The following MAP3K6 variants were observed in gnomAD, a reference collection of about 807,000 sequenced individuals.
MAP3K6 encodes the protein apoptosis signal-regulating kinase 2.
A neutral mutation model predicts 147.1 loss-of-function variants in MAP3K6; 105 were observed. That is an observed-to-expected ratio of 0.71 (90% CI 0.61 to 0.84). MAP3K6 has a LOEUF of 0.84. Ranked by LOEUF, MAP3K6 falls within the 40% of genes least tolerant of loss-of-function variation. MAP3K6 has a pLI of 0.00. For missense variants in MAP3K6, 1,569 were observed against 1,715.0 expected, an observed-to-expected ratio of 0.91 and a Z score of 1.50; for synonymous variants, 695 against 732.4, an observed-to-expected ratio of 0.95 and a Z score of 0.82.
rs532566687 is a variant in MAP3K6, at chr1:27,357,100, G to C, written c.3273C>G (p.Leu1091=). ...FAFPDAVKQI[L]RKRQIRPHWM... Reference sequence around the variant, plus strand: ...AGTGTGGACGGATCTGGCGCTTGCGGAGGATCTGCTTCACCTGCAGGGGGA... The same window carrying C: ...AGTGTGGACGGATCTGGCGCTTGCGCAGGATCTGCTTCACCTGCAGGGGGA... The change falls in exon 24 of 29, where the codon CTC becomes CTG. Residue 1091 remains leucine, a synonymous_variant. Coordinates refer to ENST00000357582, the MANE Select transcript of MAP3K6 (RefSeq NM_004672.5). 22 of 1,613,938 alleles carry C rather than the reference G, an allele frequency of 1.4e-5. No individual in the cohort carries two copies. In the East Asian group the frequency reaches 4.7e-4, roughly 34 times the overall value.
chr1:27,355,820 G>C, intron 27 of MAP3K6, 75 bp from the exon 28 acceptor site: 4 of 1,416,690 alleles, frequency 2.8e-6, no homozygotes, highest in Non-Finnish European at 4.0e-6. Context: ...CCAGGTACTA[G>C]CTCTGCTCTG....
At chr1:27,355,933 G>T in intron 27 of MAP3K6, 93 bp downstream of exon 27, 1 of 1,239,480 alleles carries the variant, frequency 8.1e-7, no homozygotes, top group Admixed American at 1.8e-5. Context: ...GAGATTCTCT[G>T]CATCAGAGGG....
chr1:27,364,050 C>T lies in MAP3K6; in HGVS notation c.731G>A (p.Arg244Gln), dbSNP rs554275379. Reference protein sequence around the residue: ...YFRETIRRDIRQARERFSGPQ... With the variant: ...YFRETIRRDIQQARERFSGPQ... The stretch of plus-strand genomic sequence containing the variant: ...CCCACTGAACCGCTCCCGCGCCTGC[C>T]GGATGTCCCGCCGAATGGTCTCCCG... Residue 244 changes from arginine to glutamine, a missense_variant, in exon 5 of 29, where the codon CGG becomes CAG. Transcript: ENST00000357582. The surrounding 1 kb of genome is among the most constrained non-coding windows in gnomAD (Gnocchi z 4.4). 147 of 1,612,848 alleles carry T rather than the reference C, an allele frequency of 9.1e-5. 1 individual carries two copies. The East Asian group carries it at 2.0e-3, about 22-fold the overall frequency.
intron 13 of MAP3K6, 43 bp downstream of exon 13, chr1:27,361,114 C>A (rs1334317444): frequency 1.1e-5 from 17 of 1,558,588 alleles, no homozygotes; most frequent in Non-Finnish European, 1.5e-5. Context: ...CCCCCCCGGG[C>A]ATCCTGGCCC....
At chr1:27,361,664 G>A in intron 10 of MAP3K6, 37 bp from the exon 11 acceptor site, 7 of 1,614,024 alleles carry the variant, frequency 4.3e-6, no homozygotes, top group Non-Finnish European at 5.9e-6. Flanking sequence ...GTCAGAAGGG[G>A]CTTACCCCTT....
In MAP3K6 at chr1:27,364,291, A is replaced by G. The variant is rs1295823501; in HGVS notation, c.608T>C (p.Val203Ala). 1 of 1,613,830 alleles carries G rather than the reference A, an allele frequency of 6.2e-7. No homozygotes were observed. Among genetic ancestry groups the G allele is most frequent in the African/African-American group, 1.3e-5 (1 of 74,924 alleles). ...GLLRGLADGL[V>A]QAGVGTEALL... ...GGCCTCGGTCCCCACTCCAGCCTGTACCAGCCCATCAGCCAGGCCCCGCAG... is the reference window on the plus strand; with the variant it reads ...GGCCTCGGTCCCCACTCCAGCCTGTGCCAGCCCATCAGCCAGGCCCCGCAG... Residue 203 changes from valine to alanine, a missense_variant, in exon 4 of 29, where the codon GTA becomes GCA. Transcript: ENST00000357582. This position sits in a 1 kb window ranked among gnomAD's most constrained non-coding sequence, Gnocchi z 4.4.
Position 27,361,693 on chromosome 1 carries a change from T to A in MAP3K6, c.1578+12A>T. 6.2e-7 allele frequency: 1 copy of A among 1,613,866 alleles called. No individual in the cohort carries two copies. The highest frequency in any genetic ancestry group is 2.2e-5 in the East Asian group (1 of 44,880). On this transcript the variant is annotated intron_variant, in intron 10 of 28. Coordinates refer to ENST00000357582, the MANE Select transcript of MAP3K6 (RefSeq NM_004672.5). ...ACCCCTTTCCCGGGTCCACCACCCC[T>A]ACAGGCCTCACCAAGCACTGGTCGC...
chr1:27,364,120 A>T lies in MAP3K6; in HGVS notation c.696-35T>A. ...AGGGTAGGGGAGGCAGGGAGAGAGA[A>T]TGGTGGGGCCTGTACCTCAGCCCCA... is the stretch of plus-strand genomic sequence containing the variant. On this transcript the variant is annotated intron_variant, in intron 4 of 28. Transcript: ENST00000357582. This position sits in a 1 kb window ranked among gnomAD's most constrained non-coding sequence, Gnocchi z 4.4. The T allele has an allele frequency of 6.2e-7, 1 of 1,604,930 alleles. No individual in the cohort carries two copies. The highest frequency in any genetic ancestry group is 1.7e-5 in the Admixed American group (1 of 59,762).
rs745531463 is a variant in MAP3K6 at position 27,362,893 on chromosome 1, G to A, written c.1100C>T (p.Ser367Leu). Residue 367 changes from serine to leucine, a missense_variant, in exon 7 of 29, where the codon TCG becomes TTG. By Grantham distance (145) the Ser-to-Leu change is moderately radical. Coordinates refer to ENST00000357582, the MANE Select transcript of MAP3K6 (RefSeq NM_004672.5). ...CCGGTGCCCAGCATCCTGGAAACCC[G>A]AGCTGAAGAACATGTCCTTGTAGAT... ...GRIYKDMFFS[S>L]GFQDAGHREQ... 3.2e-5 allele frequency: 51 copies of A among 1,614,140 alleles called. No individual in the cohort carries two copies. The highest frequency in any genetic ancestry group is 1.3e-4 in the East Asian group (6 of 44,882).
chr1:27,362,350 G>C (rs1263347002), intron 8 of MAP3K6, 100 bp from the exon 9 acceptor site: 38 of 1,241,286 alleles, frequency 3.1e-5, no homozygotes, highest in Non-Finnish European at 4.2e-5. Context: ...ATAGATATGA[G>C]TATGGCATTG....
At chr1:27,356,197 T>C (rs1436651201) in intron 26 of MAP3K6, 98 bp from the exon 27 acceptor site, 1 of 1,254,276 alleles carries the variant, frequency 8.0e-7, no homozygotes, top group Non-Finnish European at 1.2e-6. Flanking sequence ...CCCACTCAGG[T>C]GATGAGCCCA....
In MAP3K6 at chr1:27,358,568, G is replaced by A. The variant is rs1344336702; in HGVS notation, c.2627C>T (p.Ser876Leu). The A allele has an allele frequency of 6.8e-6, 11 of 1,613,084 alleles. No individual in the cohort carries two copies. The highest frequency in any genetic ancestry group is 4.0e-5 in the African/African-American group (3 of 74,872). ...GAGGAGAAAGGCTTGGGCCTCGGCC[G>A]ACAGAGAGCTGGGCATTGGCGGATG... ...KVHPPMPSSL[S>L]AEAQAFLLRT... Residue 876 changes from serine to leucine, a missense_variant, in exon 20 of 29, where the codon TCG becomes TTG. Transcript: ENST00000357582. This position sits in a 1 kb window ranked among gnomAD's most constrained non-coding sequence, Gnocchi z 6.2.
chr1:27,361,795 C>A lies in MAP3K6; in HGVS notation c.1488G>T (p.Gly496=). The stretch of plus-strand genomic sequence containing the variant: ...GCCAGAAGTGGGCACGGCGTGGTGG[C>A]CCTCCAGGGGGCTCTGGCGTGGGCC... The part of the protein sequence containing the change: ...HFRPTPEPPG[G]PPRRAHFWLH... Residue 496 remains glycine (G), a synonymous_variant, in exon 10 of 29, where the codon GGG becomes GGT. Transcript: ENST00000357582. 6.2e-7 allele frequency: 1 copy of A among 1,610,642 alleles called. No homozygotes were observed. Among genetic ancestry groups the A allele is most frequent in the Non-Finnish European group, 8.5e-7 (1 of 1,178,290 alleles).
intron 24 of MAP3K6, 110 bp from the exon 25 acceptor site, chr1:27,356,859 C>G (rs1193218820): frequency 2.8e-5 from 41 of 1,444,058 alleles, no homozygotes; most frequent in Non-Finnish European, 3.7e-6. Flanking sequence ...CCAGGCGGTG[C>G]CGGTATGGGA....
chr1:27,363,395 C>T (rs751233118), intron 6 of MAP3K6, 47 bp downstream of exon 6: 34 of 1,516,156 alleles, frequency 2.2e-5, no homozygotes, highest in Non-Finnish European at 2.7e-5. Flanking sequence ...ACCTAGGTTT[C>T]GGAAACCTTT....
At position 27,364,901 on chromosome 1, in the gene MAP3K6, G is replaced by A; in HGVS notation, c.352C>T (p.Leu118=). ...TGTACCAGCGAGCTGCTCACCTCCA[G>A]CACCACCACATCTGCAGGCACAGAG... The part of the protein sequence containing the change: ...DAFYNADVVV[L]EVSSSLVQPS... Residue 118 remains leucine, a synonymous_variant, in exon 2 of 29, where the codon CTG becomes TTG. Coordinates refer to ENST00000357582, the MANE Select transcript of MAP3K6 (RefSeq NM_004672.5). This position sits in a 1 kb window ranked among gnomAD's most constrained non-coding sequence, Gnocchi z 4.4. 2 of 1,592,022 alleles carry A rather than the reference G, an allele frequency of 1.3e-6. No homozygotes were observed. The highest frequency in any genetic ancestry group is 1.1e-5 in the South Asian group (1 of 88,712).
At chr1:27,357,657 A>G in intron 22 of MAP3K6, 54 bp downstream of exon 22, 1 of 1,591,542 alleles carries the variant, frequency 6.3e-7, no homozygotes, top group Non-Finnish European at 8.6e-7. Flanking sequence ...GGGGACATCA[A>G]CAGGTGTCCT....
Position 27,363,987 on chromosome 1 carries a change from C to A in MAP3K6, c.794G>T (p.Arg265Ile). 2.5e-6 allele frequency: 4 copies of A among 1,611,012 alleles called. No individual in the cohort carries two copies. Among genetic ancestry groups the A allele is most frequent in the Non-Finnish European group, 3.4e-6 (4 of 1,179,932 alleles). Reference sequence around the variant, plus strand: ...GCTCAGCAGCTCCACGCTGTCCAGTCTCCGCTGCAGGCGAGCCAGCTCCTG... The same window carrying A: ...GCTCAGCAGCTCCACGCTGTCCAGTATCCGCTGCAGGCGAGCCAGCTCCTG... ...LRQELARLQRRLDSVELLSPD... is the reference protein window; with the variant it reads ...LRQELARLQRILDSVELLSPD... The change falls in exon 5 of 29, where the codon AGA (arginine) becomes ATA (isoleucine). Residue 265 changes from arginine to isoleucine, a missense_variant. Physicochemically the swap from Arg to Ile is moderately conservative, Grantham distance 97. Transcript: ENST00000357582.
Position 27,360,064 on chromosome 1 carries a change from C to G in MAP3K6, c.2183-70G>C, listed in dbSNP as rs985533288. 5.0e-6 allele frequency: 8 copies of G among 1,601,768 alleles called. No homozygotes were observed. In the African/African-American group the frequency reaches 5.4e-5, roughly 11 times the overall value. ...CAGCCCACATCTCTCTGCTCAAGGCCCAGACACACCCATGTTGTAGCCCAA... is the reference window on the plus strand; with the variant it reads ...CAGCCCACATCTCTCTGCTCAAGGCGCAGACACACCCATGTTGTAGCCCAA... On this transcript the variant is annotated intron_variant, in intron 16 of 28. Transcript: ENST00000357582. This position sits in a 1 kb window ranked among gnomAD's most constrained non-coding sequence, Gnocchi z 4.5.
Sources: allele counts gnomAD v4.1 joint callset, GRCh38; gene constraint gnomAD v4.1.1; non-coding constraint Gnocchi (gnomAD v3.1); transcripts MANE v1.5; gene names NCBI Gene and HGNC (gene_info 2026-07-23, HGNC 2026-07-21).